The following NR1H3 variants were observed in gnomAD, a reference collection of about 807,000 sequenced individuals.
NR1H3 encodes nuclear receptor subfamily 1 group H member 3.
A neutral mutation model predicts 48.1 loss-of-function variants in NR1H3; 19 were observed. That is an observed-to-expected ratio of 0.40 (90% CI 0.28 to 0.58). The LOEUF (loss-of-function observed/expected upper bound fraction) is 0.58, where lower values mean the gene tolerates loss of function less well. Ranked by LOEUF, NR1H3 falls within the 20% of genes least tolerant of loss-of-function variation. The pLI is 0.50. For synonymous variants in NR1H3, 232 were observed against 227.3 expected (o/e 1.02, Z -0.19); for missense variants, 486 against 595.9 (o/e 0.82, Z 1.92).
rs900132133 is a variant in NR1H3 at position 47,267,797 on chromosome 11, C to T, written c.989-116C>T. The T allele has an allele frequency of 2.0e-4, 145 of 738,934 alleles. 1 individual carries two copies. The highest frequency in any genetic ancestry group is 3.6e-5 in the Non-Finnish European group (15 of 419,608). 45.8% of individuals were successfully genotyped at this position (738,934 alleles called of 1,614,324 possible). On this transcript the variant is annotated intron_variant, in intron 7 of 9. Coordinates refer to ENST00000441012, the MANE Select transcript of NR1H3 (RefSeq NM_005693.4). ...GTGCTGGGATTACAGGCGTGAGCCA[C>T]TGTGCCCGGCCTCAGTAAACTTCTT...
chr11:47,265,059 C>T lies in NR1H3; in HGVS notation c.989-2854C>T, dbSNP rs573495840. On this transcript the variant is annotated intron_variant, in intron 7 of 9. Coordinates refer to ENST00000441012, the MANE Select transcript of NR1H3 (RefSeq NM_005693.4). ...CTGAAATCCCAGCACTTTGGGAGGC[C>T]GAGGCAGGCGGATCACCTGAGGTCA... Among the ~76,000 whole-genome samples, 15 of 152,168 alleles carry T rather than the reference C, an allele frequency of 9.9e-5. No individual in the cohort carries two copies. In the South Asian group the frequency reaches 2.7e-3, roughly 27 times the overall value.
At chr11:47,268,109 G>C (rs1957079243) in intron 8 of NR1H3, 83 bp downstream of exon 8, 3 of 1,241,156 alleles carry the variant, frequency 2.4e-6, no homozygotes, top group South Asian at 2.5e-5. Context: ...TGGGGGGAGG[G>C]GGGTGGTGGC....
At chr11:47,253,363 AATG>A (rs1175238419), upstream of NR1H3, among the ~76,000 whole-genome samples, 1 of 152,190 alleles carries the variant, frequency 6.6e-6, no homozygotes, top group Non-Finnish European at 1.5e-5. Flanking sequence ...TGTAAAGATA[AATG>A]TATGTAGTAG....
At chr11:47,253,337 T>G (rs970751261), upstream of NR1H3, among the ~76,000 whole-genome samples, 1 of 152,174 alleles carries the variant, frequency 6.6e-6, no homozygotes, top group Non-Finnish European at 1.5e-5. Flanking sequence ...ACTGTGAGAA[T>G]AAATGAAATA....
upstream of NR1H3, chr11:47,248,350 G>A: frequency 1.6e-6 from 2 of 1,271,726 alleles, no homozygotes; most frequent in Non-Finnish European, 2.2e-6. Context: ...CAAAGCCAAG[G>A]TACAGGTAGG....
chr11:47,255,541 T>TTCTTTC (rs1375767131), upstream of NR1H3, among the ~76,000 whole-genome samples: 35 of 71,652 alleles, frequency 4.9e-4, no homozygotes, highest in Non-Finnish European at 8.7e-4. Context: ...CTTTCTTTCT[T>TTCTTTC]TTTCTTTCTT....
intron 1 of NR1H3, among the ~76,000 whole-genome samples, chr11:47,251,902 G>T (rs1565174016): frequency 6.6e-6 from 1 of 152,122 alleles, no homozygotes; most frequent in Non-Finnish European, 1.5e-5. Flanking sequence ...TTTTTATAGG[G>T]AGAAACTATT....
chr11:47,258,109 G>A lies in NR1H3; in HGVS notation c.-58G>A, dbSNP rs1410114482. ...GCTCCAGAGACTGCCCACCCAGGAAGTCTGGTGGCCTGGGGATTTGGTGGG... is the reference window on the plus strand; with the variant it reads ...GCTCCAGAGACTGCCCACCCAGGAAATCTGGTGGCCTGGGGATTTGGTGGG... On this transcript the variant is annotated 5_prime_UTR_variant, in exon 1 of 10. Transcript: ENST00000441012. 2.0e-6 allele frequency: 2 copies of A among 985,606 alleles called. No homozygotes were observed. Among genetic ancestry groups the A allele is most frequent in the African/African-American group, 3.5e-5 (2 of 57,336 alleles). 61.1% of individuals were successfully genotyped at this position (985,606 alleles called of 1,614,324 possible). A position where few individuals can be genotyped will look rare whatever the true frequency, so the allele number is the denominator to read the frequency against.
upstream of NR1H3, chr11:47,248,574 C>T (rs190730053): frequency 1.3e-6 from 2 of 1,551,814 alleles, no homozygotes; most frequent in South Asian, 1.2e-5. Flanking sequence ...CCAGTCGTCC[C>T]CTCCTAAACC....
At chr11:47,264,249 G>T (rs1309647687) in intron 7 of NR1H3, among the ~76,000 whole-genome samples, 1 of 152,146 alleles carries the variant, frequency 6.6e-6, no homozygotes, top group East Asian at 1.9e-4. Flanking sequence ...TATGGCTGAT[G>T]CCCTGACTCC....
intron 3 of NR1H3, 44 bp from the exon 4 acceptor site, chr11:47,260,365 G>T (rs756143353): frequency 3.2e-6 from 5 of 1,568,048 alleles, no homozygotes; most frequent in Non-Finnish European, 4.3e-6. Context: ...AGAACATGAT[G>T]TTTTTCCTCG....
upstream of NR1H3, chr11:47,248,817 G>A: frequency 6.4e-7 from 1 of 1,561,256 alleles, no homozygotes. Context: ...CAGCAAACAA[G>A]CTGGAACCCG....
chr11:47,251,952 G>T (rs982129473), intron 1 of NR1H3, among the ~76,000 whole-genome samples: 2 of 151,898 alleles, frequency 1.3e-5, no homozygotes, highest in Non-Finnish European at 2.9e-5. Flanking sequence ...AGATAGTAGA[G>T]CCTGAAGCTG....
upstream of NR1H3, among the ~76,000 whole-genome samples, chr11:47,253,134 C>CGTGTGTGTGTGTGT (rs60982687): frequency 6.8e-4 from 101 of 147,776 alleles, no homozygotes; most frequent in African/African-American, 2.1e-3. Context: ...AATTTTTGTG[C>CGTGTGTGTGTGTGT]GTGTGTGTGT....
rs368572277 is a variant in NR1H3 at position 47,267,998 on chromosome 11, G to A, written c.1074G>A (p.Leu358=). 1 of 1,613,814 alleles carries A rather than the reference G, an allele frequency of 6.2e-7. No homozygotes were observed. Among genetic ancestry groups the A allele is most frequent in the Middle Eastern group, 1.7e-4 (1 of 5,950 alleles). The change falls in exon 8 of 10, where the codon TTG becomes TTA. Residue 358 remains leucine, a synonymous_variant. Transcript: ENST00000441012. ...AACTCAATGATGCCGAGTTTGCCTT[G>A]CTCATTGCTATCAGCATCTTCTCTG... ...ELQLNDAEFA[L]LIAISIFSAD...
Position 47,260,445 on chromosome 11 carries a change from C to T in NR1H3, c.269C>T (p.Pro90Leu). 1 of 1,613,884 alleles carries T rather than the reference C, an allele frequency of 6.2e-7. No homozygotes were observed. The highest frequency in any genetic ancestry group is 1.1e-5 in the South Asian group (1 of 91,078). ...CAAAAGCGGAAAAAGGGGCCAGCCC[C>T]CAAAATGCTGGGGAACGAGCTATGC... ...RPQKRKKGPAPKMLGNELCSV... is the reference protein window; with the variant it reads ...RPQKRKKGPALKMLGNELCSV... The change falls in exon 4 of 10, where the codon CCC (proline) becomes CTC (leucine). Residue 90 changes from proline (P) to leucine (L), a missense_variant. Coordinates refer to ENST00000441012, the MANE Select transcript of NR1H3 (RefSeq NM_005693.4).
upstream of NR1H3, chr11:47,248,664 A>C (rs914310058): frequency 2.5e-6 from 4 of 1,606,214 alleles, no homozygotes; most frequent in Admixed American, 1.7e-5. Flanking sequence ...TGGTGAGCCC[A>C]TCTCTCATTA....
intron 7 of NR1H3, among the ~76,000 whole-genome samples, chr11:47,265,063 G>A (rs1956316957): frequency 6.6e-6 from 1 of 152,182 alleles, no homozygotes; most frequent in Non-Finnish European, 1.5e-5. Flanking sequence ...GGAGGCCGAG[G>A]CAGGCGGATC....
At chr11:47,266,930 C>T (rs956423697) in intron 7 of NR1H3, among the ~76,000 whole-genome samples, 3 of 152,094 alleles carry the variant, frequency 2.0e-5, no homozygotes, top group African/African-American at 2.4e-5. Flanking sequence ...CATGAACCGC[C>T]GTGCCTTGCT....
Sources: gnomAD v4.1 joint callset for allele counts (sites outside exome capture counted in the v4.1 genomes callset) on GRCh38, gnomAD v4.1.1 for gene constraint, MANE v1.5 for transcripts, NCBI Gene and HGNC (gene_info 2026-07-23, HGNC 2026-07-21) for gene names.